Variants in N4BP2L1 observed in about 807,000 individuals in gnomAD.
N4BP2L1 encodes the protein NEDD4 binding protein 2 like 1.
A neutral mutation model predicts 21.2 loss-of-function variants in N4BP2L1; 12 were observed. That is an observed-to-expected ratio of 0.57 (90% confidence interval 0.36 to 0.92). N4BP2L1 has a LOEUF of 0.92. Among genes scored for constraint, N4BP2L1 ranks in the 40% least tolerant of loss-of-function variants. N4BP2L1 has a pLI of 0.01. For missense variants in N4BP2L1, 259 were observed against 310.6 expected, an observed-to-expected ratio of 0.83 and a Z score of 1.25; for synonymous variants, 104 against 112.8, an observed-to-expected ratio of 0.92 and a Z score of 0.49.
At chr13:32,427,854 C>T (rs896526087) in intron 1 of N4BP2L1, 50 bp downstream of exon 1, 43 of 1,247,886 alleles carry the variant, frequency 3.4e-5, no homozygotes, top group African/African-American at 4.8e-5. Flanking sequence ...TCGGCCGGGG[C>T]GTTTGGTGGC....
Position 32,402,190 on chromosome 13 carries a change from A to G in N4BP2L1, c.*752T>C, listed in dbSNP as rs533461151. 5.1e-6 allele frequency: 5 copies of G among 984,068 alleles called. No homozygotes were observed. The African/African-American group carries it at 8.7e-5, about 17-fold the overall frequency. The allele number at this position is 984,068 out of a possible 1,614,324, so 61.0% of individuals were successfully genotyped here. On this transcript the variant is annotated 3_prime_UTR_variant, in exon 5 of 5. Coordinates refer to ENST00000380130, the MANE Select transcript of N4BP2L1 (RefSeq NM_052818.3). Reference sequence around the variant, plus strand: ...ATGAAGGCAGGCTTATTTTATTTACACTATTAGCACAACAGCCAAAAGTTA... The same window carrying G: ...ATGAAGGCAGGCTTATTTTATTTACGCTATTAGCACAACAGCCAAAAGTTA...
At chr13:32,415,386 G>C (rs1052586353) in intron 1 of N4BP2L1, among the ~76,000 whole-genome samples, 1 of 152,138 alleles carries the variant, frequency 6.6e-6, no homozygotes, top group African/African-American at 2.4e-5. Context: ...GATATATCTA[G>C]ATATTTAATT....
At chr13:32,419,412 AT>A (rs71071039) in intron 1 of N4BP2L1, 205 of 284,466 alleles carry the variant, frequency 7.2e-4, no homozygotes, top group Non-Finnish European at 1.0e-3. Context: ...TGCTTGGCTA[AT>A]TTTTTTTTTT....
In N4BP2L1 at chr13:32,408,208, C is replaced by T. The variant is rs145931743; in HGVS notation, c.180-436G>A. Among the ~76,000 whole-genome samples, 266 of 152,294 alleles carry T rather than the reference C, an allele frequency of 1.7e-3. 1 individual carries two copies. Among genetic ancestry groups the T allele is most frequent in the African/African-American group, 6.2e-3 (256 of 41,542 alleles). Reference sequence around the variant, plus strand: ...CCCCATGCTGCAGCCCTTCCCTCGGCCCCCTAAACTCTGAGCTGGCCCATT... The same window carrying T: ...CCCCATGCTGCAGCCCTTCCCTCGGTCCCCTAAACTCTGAGCTGGCCCATT... On this transcript the variant is annotated intron_variant, in intron 1 of 4. Transcript: ENST00000380130.
At chr13:32,412,854 C>A (rs1282074455) in intron 1 of N4BP2L1, among the ~76,000 whole-genome samples, 1 of 152,062 alleles carries the variant, frequency 6.6e-6, no homozygotes, top group Non-Finnish European at 1.5e-5. Flanking sequence ...CCTGAAAGAG[C>A]CTGAAAGAGT....
Position 32,407,257 on chromosome 13 carries a change from G to A in N4BP2L1, c.389C>T (p.Ala130Val). 1 of 1,613,780 alleles carries A rather than the reference G, an allele frequency of 6.2e-7. No homozygotes were observed. Among genetic ancestry groups the A allele is most frequent in the Non-Finnish European group, 8.5e-7 (1 of 1,179,726 alleles). ...NLHAWEMKPYAVMALENNYEV... is the reference protein window; with the variant it reads ...NLHAWEMKPYVVMALENNYEV... ...AATGATACTTCTTCCTACCATGACT[G>A]CATAGGGCTTCATTTCCCAGGCGTG... Residue 130 changes from alanine to valine, a missense_variant, in exon 3 of 5, where the codon GCA becomes GTA. By Grantham distance (64) the Ala-to-Val change is moderately conservative (BLOSUM62 0). Coordinates refer to ENST00000380130, the MANE Select transcript of N4BP2L1 (RefSeq NM_052818.3).
At chr13:32,412,210 C>G (rs1427713314) in intron 1 of N4BP2L1, among the ~76,000 whole-genome samples, 1 of 152,076 alleles carries the variant, frequency 6.6e-6, no homozygotes, top group Non-Finnish European at 1.5e-5. Flanking sequence ...ATACACAAAC[C>G]TATGGAAATG....
At chr13:32,404,603 A>G (rs2073357910) in intron 3 of N4BP2L1, among the ~76,000 whole-genome samples, 1 of 149,186 alleles carries the variant, frequency 6.7e-6, no homozygotes, top group South Asian at 2.2e-4. Context: ...AATTTTGCTC[A>G]ATTTTATCTA....
At chr13:32,422,166 TA>T (rs1342752075) in intron 1 of N4BP2L1, among the ~76,000 whole-genome samples, 2 of 148,004 alleles carry the variant, frequency 1.4e-5, no homozygotes, top group Non-Finnish European at 3.0e-5. Context: ...TAATATTTTT[TA>T]TATTATGAGA....
chr13:32,415,479 G>T (rs543796113), intron 1 of N4BP2L1, among the ~76,000 whole-genome samples: 1 of 151,634 alleles, frequency 6.6e-6, no homozygotes, highest in African/African-American at 2.4e-5. Flanking sequence ...ATTTACTCTG[G>T]TTATTTTTGG....
At position 32,424,339 on chromosome 13, in the gene N4BP2L1, C is replaced by T. The variant is rs186102017; in HGVS notation, c.179+3565G>A. Among the ~76,000 whole-genome samples, 104 of 152,296 alleles carry T rather than the reference C, an allele frequency of 6.8e-4. 1 individual carries two copies. The highest frequency in any genetic ancestry group is 2.5e-3 in the African/African-American group (102 of 41,568). On this transcript the variant is annotated intron_variant, in intron 1 of 4. Coordinates refer to ENST00000380130, the MANE Select transcript of N4BP2L1 (RefSeq NM_052818.3). ...CCATCTTCAAGGCCAGCTCAAGAAC[C>T]GTCTCCATGTGGAGAAGATCCTTTC...
rs2073164619 is a variant in N4BP2L1, at chr13:32,402,169, A to G, written c.*773T>C. 5.1e-6 allele frequency: 5 copies of G among 984,916 alleles called. No homozygotes were observed. The highest frequency in any genetic ancestry group is 5.2e-4 in the Middle Eastern group (1 of 1,914). 61.0% of individuals were successfully genotyped at this position (984,916 alleles called of 1,614,324 possible). ...CCTTTTAAAAGTTAGTGTTTTATGA[A>G]GGCAGGCTTATTTTATTTACACTAT... On this transcript the variant is annotated 3_prime_UTR_variant, in exon 5 of 5. Transcript: ENST00000380130.
At chr13:32,405,903 T>C (rs2073458699) in intron 3 of N4BP2L1, among the ~76,000 whole-genome samples, 2 of 130,826 alleles carry the variant, frequency 1.5e-5, no homozygotes, top group Non-Finnish European at 3.3e-5. Flanking sequence ...TTTTTTTTTT[T>C]TTTTTTTTTT....
At chr13:32,405,991 C>T (rs2073470445) in intron 3 of N4BP2L1, among the ~76,000 whole-genome samples, 1 of 150,730 alleles carries the variant, frequency 6.6e-6, no homozygotes, top group Non-Finnish European at 1.5e-5. Flanking sequence ...CAAGCTCCAC[C>T]TCCCGGGTTC....
At position 32,402,031 on chromosome 13, in the gene N4BP2L1, A is replaced by G; in HGVS notation, c.*911T>C. Reference sequence around the variant, plus strand: ...TCATTTTGTAATGAGCATGGCTTTTATATATCCCTGTATGACCTATATCCT... The same window carrying G: ...TCATTTTGTAATGAGCATGGCTTTTGTATATCCCTGTATGACCTATATCCT... On this transcript the variant is annotated 3_prime_UTR_variant, in exon 5 of 5. Coordinates refer to ENST00000380130, the MANE Select transcript of N4BP2L1 (RefSeq NM_052818.3). 1.0e-6 allele frequency: 1 copy of G among 985,472 alleles called. No individual in the cohort carries two copies. The highest frequency in any genetic ancestry group is 1.2e-6 in the Non-Finnish European group (1 of 829,934). The allele number at this position is 985,472 out of a possible 1,614,324, so 61.0% of individuals were successfully genotyped here.
intron 4 of N4BP2L1, among the ~76,000 whole-genome samples, chr13:32,403,946 A>C (rs1021714907): frequency 2.0e-5 from 3 of 152,242 alleles, no homozygotes; most frequent in African/African-American, 7.2e-5. Context: ...TCTAGATCAT[A>C]AATGAATCGC....
upstream of N4BP2L1, among the ~76,000 whole-genome samples, chr13:32,428,466 G>A (rs901772418): frequency 4.6e-5 from 7 of 152,088 alleles, no homozygotes; most frequent in African/African-American, 1.7e-4. Context: ...GCCCCGACCT[G>A]CCTAGACCCT....
chr13:32,402,899 GA>G lies in N4BP2L1; in HGVS notation c.*42del. 6.6e-7 allele frequency: 1 copy of G among 1,520,266 alleles called. No homozygotes were observed. The highest frequency in any genetic ancestry group is 8.8e-7 in the Non-Finnish European group (1 of 1,133,348). 94.2% of individuals were successfully genotyped at this position (1,520,266 alleles called of 1,614,324 possible). Reference sequence around the variant, plus strand: ...ACAAAAAATAACAAAAACTGAAGTAGAAACTGACTTAGGAAAATTCTGCCTG... The same window carrying G: ...ACAAAAAATAACAAAAACTGAAGTAGAACTGACTTAGGAAAATTCTGCCTG... On this transcript the variant is annotated 3_prime_UTR_variant, in exon 5 of 5. Transcript: ENST00000380130.
chr13:32,407,708 C>T lies in N4BP2L1; in HGVS notation c.244G>A (p.Asp82Asn). Reference sequence around the variant, plus strand: ...TCAGGATTGAACTCATAGGCACCATCTTCCCTGAAGAAAAAATCATCCGTG... The same window carrying T: ...TCAGGATTGAACTCATAGGCACCATTTTCCCTGAAGAAAAAATCATCCGTG... ...FSTDDFFFRE[D>N]GAYEFNPDFL... Residue 82 changes from aspartate (D) to asparagine (N), a missense_variant, in exon 2 of 5, where the codon GAT becomes AAT. Physicochemically the swap from Asp to Asn is conservative, Grantham distance 23 (BLOSUM62 1). Coordinates refer to ENST00000380130, the MANE Select transcript of N4BP2L1 (RefSeq NM_052818.3). 6.2e-7 allele frequency: 1 copy of T among 1,612,226 alleles called. No homozygotes were observed. The highest frequency in any genetic ancestry group is 8.5e-7 in the Non-Finnish European group (1 of 1,179,318).
Sources: allele counts gnomAD v4.1 joint callset (sites outside exome capture counted in the v4.1 genomes callset), GRCh38; gene constraint gnomAD v4.1.1; transcripts MANE v1.5; gene names NCBI Gene and HGNC (gene_info 2026-07-23, HGNC 2026-07-21).